The following TLK1 variants were observed in gnomAD, a reference collection of about 807,000 sequenced individuals.
The protein encoded by TLK1 is serine/threonine-protein kinase tousled-like 1.
TLK1 carries 24 observed loss-of-function variants against 105.3 expected under a neutral mutation model. That is an observed-to-expected ratio of 0.23 (90% CI 0.17 to 0.32). The LOEUF is 0.32. Among genes scored for constraint, TLK1 ranks in the 10% least tolerant of loss-of-function variants. The probability of loss-of-function intolerance (pLI) is 1.00; values close to 1 mark genes in which losing one functional copy is unlikely to be tolerated. For missense variants in TLK1, 558 were observed against 910.5 expected (o/e 0.61, Z 4.98); for synonymous variants, 321 against 310.4 (o/e 1.03, Z -0.36).
At chr2:171,043,993 T>C (rs997831439) in intron 11 of TLK1, among the ~76,000 whole-genome samples, 1 of 152,226 alleles carries the variant, frequency 6.6e-6, no homozygotes, top group African/African-American at 2.4e-5. Flanking sequence ...AAAATTAATA[T>C]AGTCAAAATG....
chr2:171,110,284 C>A (rs551194367), intron 2 of TLK1, among the ~76,000 whole-genome samples: 2 of 152,268 alleles, frequency 1.3e-5, no homozygotes, highest in East Asian at 3.9e-4. Context: ...GCCTGACCAA[C>A]AGGGTGAAAC....
chr2:171,067,169 T>TC (rs1028636748), intron 3 of TLK1, among the ~76,000 whole-genome samples: 1 of 151,438 alleles, frequency 6.6e-6, no homozygotes, highest in African/African-American at 2.4e-5. Flanking sequence ...GGTTTTTTTT[T>TC]TTTTTTCTGA....
chr2:171,079,236 G>A (rs1186261969), intron 3 of TLK1, among the ~76,000 whole-genome samples: 1 of 152,202 alleles, frequency 6.6e-6, no homozygotes, highest in Non-Finnish European at 1.5e-5. Flanking sequence ...CTTATGGGAT[G>A]AATTCACAGC....
rs1229532926 is a variant in TLK1, at chr2:171,046,462, T to C, written c.981-100A>G. Reference sequence around the variant, plus strand: ...AAAAAACATGAAAAACCATAAAATATACATTCGTAACCTTTTGGTTCCACT... The same window carrying C: ...AAAAAACATGAAAAACCATAAAATACACATTCGTAACCTTTTGGTTCCACT... On this transcript the variant is annotated intron_variant, in intron 10 of 20. Coordinates refer to ENST00000431350, the MANE Select transcript of TLK1 (RefSeq NM_012290.5). The C allele has an allele frequency of 7.6e-6, 10 of 1,312,730 alleles. No homozygotes were observed. The Admixed American group carries it at 1.6e-4, about 22-fold the overall frequency. 81.3% of individuals were successfully genotyped at this position (1,312,730 alleles called of 1,614,324 possible).
chr2:171,169,077 CAA>C (rs773371386), intron 1 of TLK1, among the ~76,000 whole-genome samples: 3 of 130,304 alleles, frequency 2.3e-5, no homozygotes, highest in African/African-American at 2.8e-5. Context: ...GACCCTTTCT[CAA>C]AAAAAAAAAA....
chr2:171,000,338 C>T (rs1684300525), intron 18 of TLK1, among the ~76,000 whole-genome samples: 1 of 144,730 alleles, frequency 6.9e-6, no homozygotes, highest in Non-Finnish European at 1.5e-5. Context: ...AAGACTGTGC[C>T]ATTGCACTGC....
intron 12 of TLK1, among the ~76,000 whole-genome samples, chr2:171,018,671 G>A (rs1312531874): frequency 1.3e-5 from 2 of 152,188 alleles, no homozygotes; most frequent in Admixed American, 6.5e-5. Flanking sequence ...TAGGCCAGAC[G>A]AGTAGACTGA....
At chr2:171,056,340 T>C in intron 6 of TLK1, 131 bp downstream of exon 6, 1 of 593,288 alleles carries the variant, frequency 1.7e-6, no homozygotes, top group Non-Finnish European at 2.8e-6. Flanking sequence ...GTCACAGAAA[T>C]AATGTATTAA....
At chr2:171,162,789 TTG>T (rs1017397328), upstream of TLK1, among the ~76,000 whole-genome samples, 14 of 152,102 alleles carry the variant, frequency 9.2e-5, no homozygotes, top group Non-Finnish European at 1.0e-4. Context: ...TTGTCTGGCT[TTG>T]GTTTTGTTTT....
chr2:171,142,717 A>G (rs962146953), intron 1 of TLK1, among the ~76,000 whole-genome samples: 3 of 152,246 alleles, frequency 2.0e-5, no homozygotes, highest in Non-Finnish European at 2.9e-5. Context: ...AACAAATGCA[A>G]AAGCAGTAAA....
At position 171,160,563 on chromosome 2, in the gene TLK1, G is replaced by A. The variant is rs1244037379; in HGVS notation, c.-135C>T. 3 of 1,476,060 alleles carry A rather than the reference G, an allele frequency of 2.0e-6. No individual in the cohort carries two copies. Among genetic ancestry groups the A allele is most frequent in the African/African-American group, 1.5e-5 (1 of 68,316 alleles). The allele number at this position is 1,476,060 out of a possible 1,614,324, so 91.4% of individuals were successfully genotyped here. A position where few individuals can be genotyped will look rare whatever the true frequency, so the allele number is the denominator to read the frequency against. ...CGAGGGCTGGGAGGGGAGAGTCAAG[G>A]GGATGGGGGAGGAAACCGAGAAGAG... On this transcript the variant is annotated 5_prime_UTR_variant, in exon 1 of 21. Coordinates refer to ENST00000431350, the MANE Select transcript of TLK1 (RefSeq NM_012290.5). The surrounding 1 kb of genome is among the most constrained non-coding windows in gnomAD (Gnocchi z 4.4).
chr2:171,115,170 C>CTTTTTTTTTTTTTTTTT (rs373796060), intron 2 of TLK1, among the ~76,000 whole-genome samples: 1 of 135,770 alleles, frequency 7.4e-6, no homozygotes, highest in Admixed American at 7.4e-5. Context: ...TTAAGAATTT[C>CTTTTTTTTTTTTTTTTT]TTTCTTTTTT....
At chr2:171,104,296 C>T (rs536608422) in intron 2 of TLK1, among the ~76,000 whole-genome samples, 1 of 151,172 alleles carries the variant, frequency 6.6e-6, no homozygotes, top group Admixed American at 6.6e-5. Context: ...AAAAAAATTC[C>T]ATTTACAAGA....
chr2:171,142,103 G>T (rs556691620), intron 1 of TLK1, among the ~76,000 whole-genome samples: 7 of 152,002 alleles, frequency 4.6e-5, no homozygotes, highest in African/African-American at 1.7e-4. Flanking sequence ...AACACAGAAA[G>T]GAGGCATATT....
At chr2:171,004,018 G>C (rs1435925394) in intron 18 of TLK1, among the ~76,000 whole-genome samples, 1 of 151,854 alleles carries the variant, frequency 6.6e-6, no homozygotes, top group East Asian at 1.9e-4. Context: ...GCAGTGGTAT[G>C]ATCTCAGCTC....
At chr2:171,081,363 C>T (rs35381957) in intron 3 of TLK1, among the ~76,000 whole-genome samples, 31,500 of 151,898 alleles carry the variant, frequency 0.21, 3,871 homozygotes, top group Non-Finnish European at 0.28. Context: ...ATTTAGTGAA[C>T]AGAAAAGAGA....
In TLK1 at chr2:170,993,682, A is replaced by AAG. The variant is rs1432270298; in HGVS notation, c.*97_*98insCT. 1.8e-5 allele frequency: 17 copies of AAG among 952,398 alleles called. 1 individual carries two copies. Among genetic ancestry groups the AAG allele is most frequent in the Middle Eastern group, 3.6e-4 (1 of 2,800 alleles). The allele number at this position is 952,398 out of a possible 1,614,324, so 59.0% of individuals were successfully genotyped here. A position where few individuals can be genotyped will look rare whatever the true frequency, so the allele number is the denominator to read the frequency against. On this transcript the variant is annotated 3_prime_UTR_variant, in exon 21 of 21. Transcript: ENST00000431350. ...CACGTCTTGTGTAAAAAAAAAAAAA[A>AAG]AAAAAAAAGAAAAAGAAAACAAACA... is the stretch of plus-strand genomic sequence containing the variant.
chr2:171,225,713 C>CA (rs1286245014), intron 1 of TLK1, among the ~76,000 whole-genome samples: 1 of 151,988 alleles, frequency 6.6e-6, no homozygotes, highest in Non-Finnish European at 1.5e-5. Context: ...CTTATAATAG[C>CA]AAAAAAAGTG....
intron 11 of TLK1, among the ~76,000 whole-genome samples, chr2:171,033,965 A>G (rs1686190302): frequency 6.6e-6 from 1 of 151,872 alleles, no homozygotes; most frequent in Non-Finnish European, 1.5e-5. Flanking sequence ...AAAGACTTGA[A>G]TAGACATTTC....
Sources: allele counts gnomAD v4.1 joint callset (sites outside exome capture counted in the v4.1 genomes callset), GRCh38; gene constraint gnomAD v4.1.1; non-coding constraint Gnocchi (gnomAD v3.1); transcripts MANE v1.5; gene names NCBI Gene and HGNC (gene_info 2026-07-23, HGNC 2026-07-21).